The following SLK variants were observed in gnomAD, a reference collection of about 807,000 sequenced individuals.
The protein encoded by SLK is STE20 like kinase.
In SLK, 67 loss-of-function variants were observed where a neutral mutation model predicts 147.7. The ratio of observed to expected loss-of-function variants is 0.45; its 90% CI spans 0.37 to 0.56. SLK has a LOEUF of 0.56. SLK is among the 20% of genes least tolerant of loss of function. The pLI is 0.00. For synonymous variants in SLK, 441 were observed against 475.0 expected (o/e 0.93, Z 0.93); for missense variants, 1,136 against 1,438.8 (o/e 0.79, Z 3.41).
chr10:104,003,864 A>T (rs79185089), intron 9 of SLK, among the ~76,000 whole-genome samples: 3,540 of 152,312 alleles, frequency 0.023, 81 homozygotes, highest in South Asian at 0.11. Context: ...TGAAAGAATG[A>T]TGTCTTTTTA....
intron 4 of SLK, among the ~76,000 whole-genome samples, chr10:103,998,007 A>G (rs965649347): frequency 2.0e-5 from 3 of 152,180 alleles, no homozygotes; most frequent in African/African-American, 4.8e-5. Flanking sequence ...TTTAATTTAC[A>G]AATACTTCCA....
intron 17 of SLK, among the ~76,000 whole-genome samples, chr10:104,021,314 A>G (rs764376221): frequency 2.6e-5 from 4 of 152,244 alleles, no homozygotes; most frequent in African/African-American, 4.8e-5. Context: ...GGTAAAATGT[A>G]TGCAGGCTGC....
rs771601086 is a variant in SLK, at chr10:103,999,320, AT to A, written c.782+8del. 9 of 1,580,878 alleles carry A rather than the reference AT, an allele frequency of 5.7e-6. No individual in the cohort carries two copies. The South Asian group carries it at 1.1e-4, about 18-fold the overall frequency. The stretch of plus-strand genomic sequence containing the variant: ...TAGCACAGCCATCCAGATGGTAAAA[AT>A]ATTCTTAAAAAAGCTTAATAAGAAA... On this transcript the variant is annotated splice_region_variant and intron_variant, in intron 6 of 18. Transcript: ENST00000369755.
intron 1 of SLK, among the ~76,000 whole-genome samples, chr10:103,969,173 T>C (rs926893388): frequency 6.6e-6 from 1 of 152,174 alleles, no homozygotes; most frequent in African/African-American, 2.4e-5. Flanking sequence ...TTCTCCATGT[T>C]GGTCAGGCTG....
intron 1 of SLK, among the ~76,000 whole-genome samples, chr10:103,978,112 T>G (rs1423994501): frequency 1.3e-5 from 2 of 152,196 alleles, no homozygotes; most frequent in Non-Finnish European, 1.5e-5. Context: ...TCCTGAACAA[T>G]TCTAAATAAT....
chr10:104,000,016 G>C (rs977079271), intron 7 of SLK, 68 bp downstream of exon 7: 3 of 705,802 alleles, frequency 4.3e-6, no homozygotes, highest in African/African-American at 3.7e-5. Context: ...TTCATATTCA[G>C]TGTGCTTTCT....
intron 10 of SLK, 56 bp downstream of exon 10, chr10:104,005,747 A>G: frequency 6.4e-7 from 1 of 1,562,512 alleles, no homozygotes; most frequent in Non-Finnish European, 8.7e-7. Context: ...TCAGTCTCTG[A>G]AAAGTCAGAA....
At position 104,028,403 on chromosome 10, in the gene SLK, G is replaced by A. The variant is rs11816238; in HGVS notation, c.*2683G>A. 2,410 of 152,254 alleles carry A rather than the reference G, an allele frequency of 0.016. 65 individuals are homozygous for A. Among genetic ancestry groups the A allele is most frequent in the African/African-American group, 0.054 (2,244 of 41,534 alleles). 9.4% of individuals were successfully genotyped at this position (152,254 alleles called of 1,614,324 possible). On this transcript the variant is annotated 3_prime_UTR_variant, in exon 19 of 19. Transcript: ENST00000369755. Reference sequence around the variant, plus strand: ...AGTCCTGTCAACAACCATACAGTGCGAATTGCTGAATTAGCTGCTATTCTA... The same window carrying A: ...AGTCCTGTCAACAACCATACAGTGCAAATTGCTGAATTAGCTGCTATTCTA...
intron 1 of SLK, among the ~76,000 whole-genome samples, chr10:103,971,679 A>G (rs187716423): frequency 1.3e-5 from 2 of 152,382 alleles, no homozygotes; most frequent in East Asian, 3.9e-4. Context: ...AGTTGAAACT[A>G]AACTCTTGGC....
chr10:103,996,402 T>G (rs936416353), intron 4 of SLK, among the ~76,000 whole-genome samples: 2 of 145,694 alleles, frequency 1.4e-5, no homozygotes, highest in Non-Finnish European at 3.0e-5. Flanking sequence ...TTTCTTTTCT[T>G]TTTTTTTTTT....
chr10:103,972,633 C>T (rs1356305594), intron 1 of SLK, among the ~76,000 whole-genome samples: 1 of 150,234 alleles, frequency 6.7e-6, no homozygotes, highest in African/African-American at 2.5e-5. Context: ...GATCGCACCA[C>T]TGCACTCCAG....
At chr10:104,017,765 C>G (rs915999135) in intron 13 of SLK, among the ~76,000 whole-genome samples, 4 of 152,086 alleles carry the variant, frequency 2.6e-5, no homozygotes, top group African/African-American at 9.6e-5. Flanking sequence ...CAGGCATGAG[C>G]CACCACACCC....
At chr10:104,014,394 T>G (rs1295734747) in intron 13 of SLK, among the ~76,000 whole-genome samples, 2 of 152,224 alleles carry the variant, frequency 1.3e-5, no homozygotes. Flanking sequence ...AATAACTAGC[T>G]CATTTAACAC....
At chr10:104,008,140 T>G (rs1564660330) in intron 11 of SLK, 37 bp from the exon 12 acceptor site, 1 of 1,536,114 alleles carries the variant, frequency 6.5e-7, no homozygotes, top group East Asian at 2.2e-5. Context: ...ATATGGGTGA[T>G]GGAAAAGTTA....
At chr10:104,024,720 C>A (rs1844575877) in intron 18 of SLK, among the ~76,000 whole-genome samples, 1 of 152,192 alleles carries the variant, frequency 6.6e-6, no homozygotes, top group East Asian at 1.9e-4. Flanking sequence ...TGAATCACTT[C>A]TCCACAAAGT....
At chr10:103,976,740 A>G (rs1843876631) in intron 1 of SLK, among the ~76,000 whole-genome samples, 1 of 152,090 alleles carries the variant, frequency 6.6e-6, no homozygotes, top group Admixed American at 6.5e-5. Flanking sequence ...TCATGTGCCT[A>G]TTTTGCAGTC....
rs769699590 is a variant in SLK, at chr10:104,002,615, G to T, written c.1437G>T (p.Gln479His). The T allele has an allele frequency of 1.9e-6, 3 of 1,606,920 alleles. No individual in the cohort carries two copies. Among genetic ancestry groups the T allele is most frequent in the Non-Finnish European group, 2.6e-6 (3 of 1,176,092 alleles). Residue 479 changes from glutamine (Q) to histidine (H), a missense_variant, in exon 9 of 19, where the codon CAG becomes CAT. Physicochemically the swap from Gln to His is conservative, Grantham distance 24 (BLOSUM62 0). Coordinates refer to ENST00000369755, the MANE Select transcript of SLK (RefSeq NM_014720.4). ...SEEEKDQEKQ[Q>H]MFENKLIKSE... ...AAGAAAAGGATCAGGAAAAGCAACA[G>T]ATGTTTGAAAATAAGCTTATAAAAT...
intron 8 of SLK, 25 bp downstream of exon 8, chr10:104,001,597 A>G (rs1197036055): frequency 5.6e-6 from 9 of 1,612,900 alleles, no homozygotes; most frequent in Non-Finnish European, 7.6e-6. Flanking sequence ...AAGAAATTTC[A>G]TTTAGTGAAT....
chr10:104,016,131 C>G (rs190446818), intron 13 of SLK, among the ~76,000 whole-genome samples: 2 of 151,916 alleles, frequency 1.3e-5, no homozygotes, highest in African/African-American at 4.8e-5. Flanking sequence ...ATCCTGGCTA[C>G]CACGGTGAAA....
Sources: gnomAD v4.1 joint callset for allele counts (sites outside exome capture counted in the v4.1 genomes callset) on GRCh38, gnomAD v4.1.1 for gene constraint, MANE v1.5 for transcripts, NCBI Gene and HGNC (gene_info 2026-07-23, HGNC 2026-07-21) for gene names.